The following JAM3 variants were observed in gnomAD, a reference collection of about 807,000 sequenced individuals.
JAM3 encodes the protein junctional adhesion molecule C.
In JAM3, 31 loss-of-function variants were observed where a neutral mutation model predicts 39.4. That is an observed-to-expected ratio of 0.79 (90% CI 0.59 to 1.06). The LOEUF (loss-of-function observed/expected upper bound fraction) is 1.06, where lower values mean the gene tolerates loss of function less well. Among genes scored for constraint, JAM3 ranks in the 50% least tolerant of loss-of-function variants. The pLI is 0.00. For synonymous variants in JAM3, 182 were observed against 148.7 expected, an observed-to-expected ratio of 1.22 and a Z score of -1.63; for missense variants, 455 against 391.4, an observed-to-expected ratio of 1.16 and a Z score of -1.37.
At chr11:134,073,692 T>C (rs539704647) in intron 1 of JAM3, among the ~76,000 whole-genome samples, 115 of 152,304 alleles carry the variant, frequency 7.6e-4, no homozygotes, top group African/African-American at 2.6e-3. Flanking sequence ...CCGATTTACA[T>C]TGGGCTTTAG....
In JAM3 at chr11:134,144,854, C is replaced by T. The variant is rs372366615; in HGVS notation, c.472C>T (p.Leu158=). 6.1e-5 allele frequency: 98 copies of T among 1,614,110 alleles called. 1 individual carries two copies. The highest frequency in any genetic ancestry group is 3.3e-4 in the Middle Eastern group (2 of 6,084). ...KAVPVGKMAT[L]HCQESEGHPR... is the part of the protein sequence containing the mutation. ...TGTACCAGTAGGCAAGATGGCAACA[C>T]TGCACTGCCAGGAGAGTGAGGGCCA... The change falls in exon 5 of 9, where the codon CTG becomes TTG. Residue 158 remains leucine, a synonymous_variant. Coordinates refer to ENST00000299106, the MANE Select transcript of JAM3 (RefSeq NM_032801.5).
intron 1 of JAM3, among the ~76,000 whole-genome samples, chr11:134,101,107 C>A (rs1307114622): frequency 6.6e-6 from 1 of 152,132 alleles, no homozygotes; most frequent in Admixed American, 6.6e-5. Context: ...ACAGTGTAAG[C>A]ACTGTGAACA....
intron 1 of JAM3, among the ~76,000 whole-genome samples, chr11:134,128,842 A>G (rs1424930403): frequency 2.0e-5 from 3 of 152,244 alleles, no homozygotes; most frequent in Non-Finnish European, 2.9e-5. Context: ...GGAAAATACT[A>G]TTTTTACATT....
At position 134,116,364 on chromosome 11, in the gene JAM3, T is replaced by C. The variant is rs760596482; in HGVS notation, c.77-23487T>C. On this transcript the variant is annotated intron_variant, in intron 1 of 8. Coordinates refer to ENST00000299106, the MANE Select transcript of JAM3 (RefSeq NM_032801.5). ...TTCTTTCTACATTTGTTCATTGTAA[T>C]TCTCCTGTAAAGAAAATTTGGCCTC... is the stretch of plus-strand genomic sequence containing the variant. Among the ~76,000 whole-genome samples the C allele has an allele frequency of 1.6e-4, 24 of 152,240 alleles. 1 individual carries two copies. The highest frequency in any genetic ancestry group is 3.5e-4 in the Non-Finnish European group (24 of 68,032).
intron 1 of JAM3, among the ~76,000 whole-genome samples, chr11:134,093,515 G>C (rs1941914716): frequency 7.5e-6 from 1 of 132,838 alleles, no homozygotes; most frequent in East Asian, 2.8e-4. Context: ...CCTGAGGGAA[G>C]CTTCTCCTGA....
intron 1 of JAM3, among the ~76,000 whole-genome samples, chr11:134,116,071 C>CT (rs1040950860): frequency 3.9e-5 from 6 of 152,098 alleles, no homozygotes; most frequent in African/African-American, 1.4e-4. Context: ...TAGTATGTTT[C>CT]TTTTTCCCTT....
chr11:134,130,365 A>G (rs1239775023), intron 1 of JAM3, among the ~76,000 whole-genome samples: 6 of 152,166 alleles, frequency 3.9e-5, no homozygotes. Context: ...CCTACTTAAA[A>G]TAAGTAACTT....
At chr11:134,093,658 G>A (rs1344302412) in intron 1 of JAM3, among the ~76,000 whole-genome samples, 1 of 120,798 alleles carries the variant, frequency 8.3e-6, no homozygotes, top group Non-Finnish European at 1.7e-5. Flanking sequence ...CTTCCTGAGG[G>A]AAGCTTCTCC....
intron 1 of JAM3, among the ~76,000 whole-genome samples, chr11:134,096,774 G>T (rs995836924): frequency 3.9e-5 from 6 of 152,174 alleles, no homozygotes; most frequent in Admixed American, 3.9e-4. Flanking sequence ...TAATGAACAC[G>T]ATTGGATTCT....
At chr11:134,079,983 T>G (rs1283694584) in intron 1 of JAM3, among the ~76,000 whole-genome samples, 1 of 149,240 alleles carries the variant, frequency 6.7e-6, no homozygotes, top group Non-Finnish European at 1.5e-5. Context: ...TTGTTTGTTT[T>G]GTTTTGTTCT....
At chr11:134,127,508 G>A (rs1383416579) in intron 1 of JAM3, among the ~76,000 whole-genome samples, 1 of 152,134 alleles carries the variant, frequency 6.6e-6, no homozygotes, top group Non-Finnish European at 1.5e-5. Context: ...AGACCAGCCT[G>A]GCCAACATGG....
chr11:134,102,938 G>T (rs543695741), intron 1 of JAM3, among the ~76,000 whole-genome samples: 5 of 152,160 alleles, frequency 3.3e-5, no homozygotes, highest in Non-Finnish European at 7.3e-5. Flanking sequence ...AAAACACTCT[G>T]CAGGATATTA....
At chr11:134,124,386 C>T (rs1365551071) in intron 1 of JAM3, 1 of 629,648 alleles carries the variant, frequency 1.6e-6, no homozygotes, top group East Asian at 2.6e-5. Flanking sequence ...TGAAAGAAAT[C>T]AATAAATCAA....
chr11:134,144,445 A>C, intron 4 of JAM3, 52 bp downstream of exon 4: 5 of 1,601,496 alleles, frequency 3.1e-6, no homozygotes, highest in Non-Finnish European at 4.3e-6. Context: ...GCAAGAGATC[A>C]GTTAGTGTCT....
intron 1 of JAM3, among the ~76,000 whole-genome samples, chr11:134,103,254 G>A (rs1218711289): frequency 1.3e-5 from 2 of 152,078 alleles, no homozygotes; most frequent in East Asian, 3.9e-4. Context: ...TTCATATCCA[G>A]CCAAACTAAG....
chr11:134,074,167 G>T (rs1274826200), intron 1 of JAM3, among the ~76,000 whole-genome samples: 1 of 152,196 alleles, frequency 6.6e-6, no homozygotes, highest in Admixed American at 6.5e-5. Flanking sequence ...GAAAAAACAG[G>T]ATGAGAATGA....
intron 1 of JAM3, among the ~76,000 whole-genome samples, chr11:134,122,155 G>A (rs1172615280): frequency 6.6e-6 from 1 of 152,166 alleles, no homozygotes; most frequent in Non-Finnish European, 1.5e-5. Context: ...CCAGCAATAG[G>A]AAATAGGCAG....
At chr11:134,145,628 G>T (rs572020949) in intron 5 of JAM3, among the ~76,000 whole-genome samples, 66 of 152,210 alleles carry the variant, frequency 4.3e-4, no homozygotes, top group African/African-American at 1.4e-3. Flanking sequence ...ATTTTAACAG[G>T]GTCCTCTGTG....
At chr11:134,115,970 G>C (rs1942423327) in intron 1 of JAM3, among the ~76,000 whole-genome samples, 1 of 152,106 alleles carries the variant, frequency 6.6e-6, no homozygotes, top group South Asian at 2.1e-4. Context: ...TCATATCAAA[G>C]GGTATATAAT....
Sources: gnomAD v4.1 joint callset for allele counts (sites outside exome capture counted in the v4.1 genomes callset) on GRCh38, gnomAD v4.1.1 for gene constraint, MANE v1.5 for transcripts, NCBI Gene and HGNC (gene_info 2026-07-23, HGNC 2026-07-21) for gene names.